TPD52: variants seen among roughly 807,000 people sequenced by gnomAD.
TPD52 encodes tumor protein D52.
Under a neutral mutation model 31.3 loss-of-function variants are expected in TPD52, and 17 were observed. The observed-to-expected ratio is 0.54, with a 90% CI of 0.37 to 0.82. The LOEUF is 0.82. TPD52 is among the 40% of genes least tolerant of loss of function. TPD52 has a pLI of 0.00. For missense variants in TPD52, 212 were observed against 240.1 expected, an observed-to-expected ratio of 0.88 and a Z score of 0.77; for synonymous variants, 83 against 89.6, an observed-to-expected ratio of 0.93 and a Z score of 0.42.
At chr8:80,080,925 G>C (rs1437702057) in intron 1 of TPD52, 1 of 209,604 alleles carries the variant, frequency 4.8e-6, no homozygotes, top group Non-Finnish European at 8.3e-6. Flanking sequence ...TAATCTTCTA[G>C]GACAAGGAGG....
chr8:80,043,238 AG>A (rs1810546591), intron 6 of TPD52, among the ~76,000 whole-genome samples: 1 of 152,202 alleles, frequency 6.6e-6, no homozygotes, highest in African/African-American at 2.4e-5. Flanking sequence ...TCTGTCCCAA[AG>A]GATGAGGAGA....
intron 1 of TPD52, among the ~76,000 whole-genome samples, chr8:80,081,156 C>CTTT (rs5892705): frequency 1.2e-4 from 13 of 109,366 alleles, no homozygotes; most frequent in African/African-American, 1.5e-4. Flanking sequence ...TTTTCTCTCT[C>CTTT]TTTTTTTTTT....
chr8:80,039,110 A>G (rs1767862592), intron 7 of TPD52, among the ~76,000 whole-genome samples: 1 of 152,172 alleles, frequency 6.6e-6, no homozygotes, highest in African/African-American at 2.4e-5. Context: ...TCTTAGCTCA[A>G]TCTTAATTGA....
At position 80,094,107 on chromosome 8, in the gene TPD52, T is replaced by C. The variant is rs976833825; in HGVS notation, c.20-29514A>G. ...ACAGGTATTTATCAAAATAGGCATA[T>C]AATTTTATTTATTCCAGGAAGCTCT... On this transcript the variant is annotated intron_variant, in intron 1 of 7. Coordinates refer to ENST00000518937, the MANE Select transcript of TPD52 (RefSeq NM_001025253.3). Among the ~76,000 whole-genome samples the C allele has an allele frequency of 2.6e-5, 4 of 152,088 alleles. No individual in the cohort carries two copies. In the East Asian group the frequency reaches 5.8e-4, roughly 22 times the overall value.
At chr8:80,056,640 CA>C (rs1811916964) in intron 2 of TPD52, among the ~76,000 whole-genome samples, 1 of 152,034 alleles carries the variant, frequency 6.6e-6, no homozygotes, top group South Asian at 2.1e-4. Flanking sequence ...AAATGCAAAT[CA>C]AAACCACAAG....
intron 1 of TPD52, among the ~76,000 whole-genome samples, chr8:80,157,508 C>A (rs929988217): frequency 6.6e-6 from 1 of 152,074 alleles, no homozygotes; most frequent in East Asian, 1.9e-4. Flanking sequence ...AAGCACTGAC[C>A]GACTCTCAGG....
chr8:80,138,180 T>C (rs1034401627), intron 1 of TPD52, among the ~76,000 whole-genome samples: 1 of 152,010 alleles, frequency 6.6e-6, no homozygotes, highest in Admixed American at 6.6e-5. Flanking sequence ...CGACCTCAGG[T>C]GATCCGCTCG....
At chr8:80,117,725 T>C (rs1161831127) in intron 1 of TPD52, among the ~76,000 whole-genome samples, 2 of 125,644 alleles carry the variant, frequency 1.6e-5, no homozygotes, top group Non-Finnish European at 3.1e-5. Context: ...GCTTTCTTTT[T>C]TTTTCTTTCT....
intron 1 of TPD52, among the ~76,000 whole-genome samples, chr8:80,154,244 C>T (rs868615676): frequency 2.0e-5 from 3 of 152,236 alleles, no homozygotes; most frequent in East Asian, 1.9e-4. Flanking sequence ...AGAGAAGCAA[C>T]GGGCCCTGTT....
intron 1 of TPD52, among the ~76,000 whole-genome samples, chr8:80,121,910 G>A (rs1377439556): frequency 6.6e-6 from 1 of 151,612 alleles, no homozygotes; most frequent in Non-Finnish European, 1.5e-5. Flanking sequence ...CACAGTAAAA[G>A]GGTTTTTCAA....
chr8:80,063,429 C>A (rs1285888867), intron 2 of TPD52, among the ~76,000 whole-genome samples: 1 of 152,144 alleles, frequency 6.6e-6, no homozygotes, highest in Non-Finnish European at 1.5e-5. Flanking sequence ...TTAATGAATA[C>A]AGGGATCTCT....
intron 1 of TPD52, among the ~76,000 whole-genome samples, chr8:80,087,547 G>A (rs868704434): frequency 4.6e-5 from 7 of 152,192 alleles, no homozygotes; most frequent in African/African-American, 1.2e-4. Flanking sequence ...CCCTGAGGGC[G>A]CTGTGGAGAA....
At chr8:80,160,889 C>CA (rs58923055) in intron 1 of TPD52, among the ~76,000 whole-genome samples, 28,010 of 94,824 alleles carry the variant, frequency 0.3, 4,434 homozygotes, top group Non-Finnish European at 0.38. Context: ...ACTAAAAATA[C>CA]AAAAAAAAAA....
At chr8:80,138,675 G>A (rs1475168891) in intron 1 of TPD52, among the ~76,000 whole-genome samples, 4 of 152,104 alleles carry the variant, frequency 2.6e-5, no homozygotes, top group Non-Finnish European at 5.9e-5. Context: ...TCAGATCCAG[G>A]CCTGGGTTCT....
At chr8:80,112,270 A>T in intron 1 of TPD52, among the ~76,000 whole-genome samples, 1 of 152,232 alleles carries the variant, frequency 6.6e-6, no homozygotes, top group East Asian at 1.9e-4. Flanking sequence ...AATTCTATGA[A>T]GTAGATATTA....
intron 2 of TPD52, among the ~76,000 whole-genome samples, chr8:80,060,025 G>A (rs1356608562): frequency 6.6e-6 from 1 of 150,898 alleles, no homozygotes; most frequent in African/African-American, 2.4e-5. Flanking sequence ...AGGCTGCAGT[G>A]TGCCAAGACT....
intron 1 of TPD52, among the ~76,000 whole-genome samples, chr8:80,087,147 C>G (rs1269788013): frequency 6.6e-6 from 1 of 151,876 alleles, no homozygotes; most frequent in Non-Finnish European, 1.5e-5. Context: ...TTTTTTTTCC[C>G]CCCATCAACT....
intron 1 of TPD52, among the ~76,000 whole-genome samples, chr8:80,071,410 T>C (rs1813766632): frequency 6.6e-6 from 1 of 152,118 alleles, no homozygotes; most frequent in African/African-American, 2.4e-5. Context: ...CAATTGCTTC[T>C]CTCTCCTTTC....
intron 1 of TPD52, among the ~76,000 whole-genome samples, chr8:80,099,056 T>C (rs886101643): frequency 1.3e-5 from 2 of 152,208 alleles, no homozygotes; most frequent in African/African-American, 4.8e-5. Flanking sequence ...GGCGAGGGTA[T>C]ATACACAATT....
Sources: allele counts gnomAD v4.1 joint callset (sites outside exome capture counted in the v4.1 genomes callset), GRCh38; gene constraint gnomAD v4.1.1; transcripts MANE v1.5; gene names NCBI Gene and HGNC (gene_info 2026-07-23, HGNC 2026-07-21).